The following UNC5A variants were observed in gnomAD, a reference collection of about 807,000 sequenced individuals.
UNC5A encodes the protein unc-5 netrin receptor A, also known as netrin receptor UNC5A.
Under a neutral mutation model 87.4 loss-of-function variants are expected in UNC5A, and 20 were observed. That is an observed-to-expected ratio of 0.23 (90% CI 0.16 to 0.33). The LOEUF (loss-of-function observed/expected upper bound fraction) is 0.33. Among genes scored for constraint, UNC5A ranks in the 10% least tolerant of loss-of-function variants. The pLI is 1.00. For synonymous variants in UNC5A, 438 were observed against 482.3 expected (o/e 0.91, Z 1.20); for missense variants, 844 against 1,133.4 (o/e 0.74, Z 3.67).
chr5:176,879,497 G>A lies in UNC5A; in HGVS notation c.2363+9G>A. Reference sequence around the variant, plus strand: ...AAACTCCACCTGGACAGGTGGGCGGGAGAGGGGCAGAGAGGGCCTGCGCAG... The same window carrying A: ...AAACTCCACCTGGACAGGTGGGCGGAAGAGGGGCAGAGAGGGCCTGCGCAG... On this transcript the variant is annotated intron_variant, in intron 14 of 14. Coordinates refer to ENST00000329542, the MANE Select transcript of UNC5A (RefSeq NM_133369.3). The A allele has an allele frequency of 6.3e-7, 1 of 1,596,242 alleles. No individual in the cohort carries two copies. The highest frequency in any genetic ancestry group is 1.1e-5 in the South Asian group (1 of 87,976).
At chr5:176,868,520 C>T (rs950424316) in intron 3 of UNC5A, 41 bp from the exon 4 acceptor site, 12 of 1,553,510 alleles carry the variant, frequency 7.7e-6, no homozygotes, top group African/African-American at 2.7e-5. Flanking sequence ...TGAGCCTGTG[C>T]GAGGCCCTCA....
intron 1 of UNC5A, among the ~76,000 whole-genome samples, chr5:176,820,169 G>A (rs1477572360): frequency 1.3e-5 from 2 of 152,180 alleles, no homozygotes; most frequent in African/African-American, 2.4e-5. Flanking sequence ...AGGCCGAGGC[G>A]GGTGGATCAC....
chr5:176,867,498 C>G (rs746981483), intron 2 of UNC5A, among the ~76,000 whole-genome samples: 1 of 152,160 alleles, frequency 6.6e-6, no homozygotes, highest in South Asian at 2.1e-4. Context: ...CAGACAGTCC[C>G]GGGTCCCCAT....
chr5:176,818,779 G>A (rs1756656822), intron 1 of UNC5A, among the ~76,000 whole-genome samples: 2 of 152,178 alleles, frequency 1.3e-5, no homozygotes, highest in African/African-American at 4.8e-5. Flanking sequence ...GTGGCCTCAA[G>A]TGAACTCCCT....
At chr5:176,830,752 G>A (rs542403297) in intron 1 of UNC5A, among the ~76,000 whole-genome samples, 31 of 147,180 alleles carry the variant, frequency 2.1e-4, no homozygotes, top group African/African-American at 5.1e-4. Flanking sequence ...GTGTGTGTGC[G>A]CTGGCGTGTG....
In UNC5A at chr5:176,877,609, G is replaced by A. The variant is rs771421798; in HGVS notation, c.1541G>A (p.Arg514Gln). 2.6e-5 allele frequency: 42 copies of A among 1,612,496 alleles called. No homozygotes were observed. Among genetic ancestry groups the A allele is most frequent in the Middle Eastern group, 3.3e-4 (2 of 6,056 alleles). Reference protein sequence around the residue: ...SCGPPGVLLTRPVILAMDHCG... With the variant: ...SCGPPGVLLTQPVILAMDHCG... ...GGACCCCCTGGCGTCCTGCTCACCCGGCCAGTCATCCTGGCTATGGACCAC... is the reference window on the plus strand; with the variant it reads ...GGACCCCCTGGCGTCCTGCTCACCCAGCCAGTCATCCTGGCTATGGACCAC... The change falls in exon 10 of 15, where the codon CGG becomes CAG. Residue 514 changes from arginine to glutamine, a missense_variant. Coordinates refer to ENST00000329542, the MANE Select transcript of UNC5A (RefSeq NM_133369.3).
In UNC5A at chr5:176,844,418, A is replaced by G. The variant is rs1445200803; in HGVS notation, c.71-18206A>G. ...TCCCTGTGCCAGGGAAGGAGAGGCC[A>G]GGGGAAGTTTATGTCCACCCACGGT... On this transcript the variant is annotated intron_variant, in intron 1 of 14. Coordinates refer to ENST00000329542, the MANE Select transcript of UNC5A (RefSeq NM_133369.3). The surrounding 1 kb of genome is among the most constrained non-coding windows in gnomAD (Gnocchi z 4.2). Among the ~76,000 whole-genome samples the G allele has an allele frequency of 6.6e-6, 1 of 152,138 alleles. No individual in the cohort carries two copies. The highest frequency in any genetic ancestry group is 2.4e-5 in the African/African-American group (1 of 41,440).
chr5:176,823,479 G>A (rs1022833235), intron 1 of UNC5A, among the ~76,000 whole-genome samples: 1 of 152,128 alleles, frequency 6.6e-6, no homozygotes, highest in Non-Finnish European at 1.5e-5. Flanking sequence ...CAGGAGAGAC[G>A]TCCAACAGGT....
rs1170930651 is a variant in UNC5A, at chr5:176,821,751, AG to A, written c.70+10933del. On this transcript the variant is annotated intron_variant, in intron 1 of 14. Transcript: ENST00000329542. ...CCGCATACACCACTGCTCCTGACCA[AG>A]GTCACTCCCAGCCCCCTCTGAAGTG... Among the ~76,000 whole-genome samples, 5 of 152,354 alleles carry A rather than the reference AG, an allele frequency of 3.3e-5. No homozygotes were observed. The East Asian group carries it at 9.6e-4, about 29-fold the overall frequency.
chr5:176,855,479 T>G (rs1234942309), intron 1 of UNC5A, among the ~76,000 whole-genome samples: 3 of 152,210 alleles, frequency 2.0e-5, no homozygotes, highest in African/African-American at 4.8e-5. Flanking sequence ...CCACGTGGCC[T>G]GCATGGTGGG....
At chr5:176,877,115 C>G in intron 8 of UNC5A, 77 bp from the exon 9 acceptor site, 1 of 1,225,612 alleles carries the variant, frequency 8.2e-7, no homozygotes, top group Non-Finnish European at 1.2e-6. Flanking sequence ...CACAGGAAGG[C>G]TCCTGGAGGG....
intron 1 of UNC5A, among the ~76,000 whole-genome samples, chr5:176,847,919 C>T (rs1361228999): frequency 6.6e-6 from 1 of 151,810 alleles, no homozygotes; most frequent in Non-Finnish European, 1.5e-5. Flanking sequence ...GGAAGCAGCG[C>T]CTGCGTTTCC....
chr5:176,866,775 C>G lies in UNC5A; in HGVS notation c.293-1355C>G, dbSNP rs893972652. On this transcript the variant is annotated intron_variant, in intron 2 of 14. Transcript: ENST00000329542. The surrounding 1 kb of genome is among the most constrained non-coding windows in gnomAD (Gnocchi z 5.0). ...TGTGAGCCACCCCCTCGTTCTCAGC[C>G]TGCCCACCCCACCCCCTGAGAGTGT... 2.6e-5 allele frequency among the ~76,000 whole-genome samples: 4 copies of G among 152,330 alleles called. No individual in the cohort carries two copies. Among genetic ancestry groups the G allele is most frequent in the African/African-American group, 9.6e-5 (4 of 41,574 alleles).
intron 1 of UNC5A, among the ~76,000 whole-genome samples, chr5:176,813,016 G>A (rs1283060770): frequency 2.0e-5 from 3 of 152,208 alleles, no homozygotes; most frequent in Admixed American, 6.5e-5. Flanking sequence ...GGCGCCGGGG[G>A]CCAGCGCGAC....
chr5:176,860,019 G>A (rs533945063), intron 1 of UNC5A, among the ~76,000 whole-genome samples: 27 of 152,330 alleles, frequency 1.8e-4, no homozygotes, highest in African/African-American at 6.0e-4. Context: ...TTCACCAGGC[G>A]GCTGACGCAA....
chr5:176,858,810 A>G (rs1757742229), intron 1 of UNC5A, among the ~76,000 whole-genome samples: 1 of 140,978 alleles, frequency 7.1e-6, no homozygotes, highest in African/African-American at 2.7e-5. Context: ...GAGGGAAGGA[A>G]AGAAAGAAAG....
intron 1 of UNC5A, among the ~76,000 whole-genome samples, chr5:176,850,824 T>G (rs963932160): frequency 2.0e-5 from 3 of 152,216 alleles, no homozygotes; most frequent in Non-Finnish European, 2.9e-5. Context: ...GCTGGTGGCC[T>G]GTGGCCTCAG....
At chr5:176,846,925 C>A (rs1015331503) in intron 1 of UNC5A, among the ~76,000 whole-genome samples, 3 of 152,166 alleles carry the variant, frequency 2.0e-5, no homozygotes, top group Non-Finnish European at 2.9e-5. Context: ...CGCATCTCAG[C>A]AGGGGCGGAC....
Position 176,879,850 on chromosome 5 carries a change from C to T in UNC5A, c.2493C>T (p.Asp831=), listed in dbSNP as rs777636145. 4.3e-5 allele frequency: 70 copies of T among 1,612,452 alleles called. No homozygotes were observed. The highest frequency in any genetic ancestry group is 3.4e-4 in the South Asian group (31 of 91,052). The part of the protein sequence containing the change: ...AAAVAGLGQP[D]AGLFTVSEAE... Reference sequence around the variant, plus strand: ...CAGTGGCTGGACTGGGCCAGCCAGACGCTGGCCTCTTCACAGTGTCGGAGG... The same window carrying T: ...CAGTGGCTGGACTGGGCCAGCCAGATGCTGGCCTCTTCACAGTGTCGGAGG... Residue 831 remains aspartate (D), a synonymous_variant, in exon 15 of 15, where the codon GAC becomes GAT. Coordinates refer to ENST00000329542, the MANE Select transcript of UNC5A (RefSeq NM_133369.3).
Sources: gnomAD v4.1 joint callset for allele counts (sites outside exome capture counted in the v4.1 genomes callset) on GRCh38, gnomAD v4.1.1 for gene constraint, Gnocchi (gnomAD v3.1) non-coding constraint, MANE v1.5 for transcripts, NCBI Gene and HGNC (gene_info 2026-07-23, HGNC 2026-07-21) for gene names.